The following RAB3C variants were observed in gnomAD, a reference collection of about 807,000 sequenced individuals.
RAB3C encodes RAB3C, member RAS oncogene family.
RAB3C carries 17 observed loss-of-function variants against 26.4 expected under a neutral mutation model. The observed-to-expected ratio is 0.64, with a 90% CI of 0.44 to 0.97. RAB3C has a LOEUF of 0.97. Ranked by LOEUF, RAB3C falls within the 50% of genes least tolerant of loss-of-function variation. RAB3C has a pLI of 0.00. For synonymous variants in RAB3C, 91 were observed against 95.9 expected, an observed-to-expected ratio of 0.95 and a Z score of 0.30; for missense variants, 242 against 281.9, an observed-to-expected ratio of 0.86 and a Z score of 1.01.
chr5:58,708,152 G>A (rs1019422995), intron 2 of RAB3C, among the ~76,000 whole-genome samples: 1 of 151,902 alleles, frequency 6.6e-6, no homozygotes, highest in Non-Finnish European at 1.5e-5. Context: ...CCCCACACCT[G>A]GCTAATTTGT....
At chr5:58,826,176 G>A (rs530727955) in intron 4 of RAB3C, among the ~76,000 whole-genome samples, 10 of 152,080 alleles carry the variant, frequency 6.6e-5, no homozygotes, top group African/African-American at 9.7e-5. Flanking sequence ...GAGGGCCCCC[G>A]GGGAGATCAG....
chr5:58,758,589 C>T (rs190760444), intron 3 of RAB3C, among the ~76,000 whole-genome samples: 1 of 152,220 alleles, frequency 6.6e-6, no homozygotes, highest in East Asian at 1.9e-4. Flanking sequence ...ACTGAGAGCA[C>T]AAACAGGGTC....
chr5:58,858,375 G>T lies in RAB3C; in HGVS notation c.*7024G>T, dbSNP rs1744310058. ...ATTAGAATGATAATTTAAGGGTGTG[G>T]TTGAATTTTAGTTAGTTGTCACATA... On this transcript the variant is annotated 3_prime_UTR_variant, in exon 5 of 5. Coordinates refer to ENST00000282878, the MANE Select transcript of RAB3C (RefSeq NM_138453.4). The T allele has an allele frequency of 6.6e-6, 1 of 152,130 alleles. No individual in the cohort carries two copies. The highest frequency in any genetic ancestry group is 1.5e-5 in the Non-Finnish European group (1 of 68,024). The allele number at this position is 152,130 out of a possible 1,614,324, so 9.4% of individuals were successfully genotyped here.
At chr5:58,729,677 A>G (rs910129580) in intron 3 of RAB3C, among the ~76,000 whole-genome samples, 1 of 148,206 alleles carries the variant, frequency 6.7e-6, no homozygotes, top group South Asian at 2.1e-4. Flanking sequence ...CATACACACA[A>G]TACGTGTTAC....
chr5:58,805,921 A>G (rs1228682366), intron 3 of RAB3C, among the ~76,000 whole-genome samples: 2 of 152,180 alleles, frequency 1.3e-5, no homozygotes, highest in African/African-American at 2.4e-5. Context: ...GGTTTCTAAC[A>G]TAATTATTTT....
chr5:58,857,540 T>C lies in RAB3C; in HGVS notation c.*6189T>C, dbSNP rs954402913. 3.9e-5 allele frequency: 6 copies of C among 152,176 alleles called. No individual in the cohort carries two copies. The highest frequency in any genetic ancestry group is 1.4e-4 in the African/African-American group (6 of 41,446). The allele number at this position is 152,176 out of a possible 1,614,324, so 9.4% of individuals were successfully genotyped here. Reference sequence around the variant, plus strand: ...AGTCATGTTTTTCTTCTCAGAAAGGTTGATCACATGACATGTCTACTAAGA... The same window carrying C: ...AGTCATGTTTTTCTTCTCAGAAAGGCTGATCACATGACATGTCTACTAAGA... On this transcript the variant is annotated 3_prime_UTR_variant, in exon 5 of 5. Transcript: ENST00000282878.
intron 2 of RAB3C, among the ~76,000 whole-genome samples, chr5:58,682,283 A>G (rs1748360540): frequency 6.6e-6 from 1 of 152,030 alleles, no homozygotes; most frequent in South Asian, 2.1e-4. Flanking sequence ...AGTAAGGTCG[A>G]CTCTTATTCA....
intron 3 of RAB3C, among the ~76,000 whole-genome samples, chr5:58,815,241 A>G (rs1408399144): frequency 6.6e-6 from 1 of 152,188 alleles, no homozygotes; most frequent in Non-Finnish European, 1.5e-5. Flanking sequence ...ACAAGCATTC[A>G]CAGGAGCCTT....
chr5:58,834,106 A>G (rs1743680908), intron 4 of RAB3C, among the ~76,000 whole-genome samples: 1 of 152,240 alleles, frequency 6.6e-6, no homozygotes, highest in Admixed American at 6.5e-5. Flanking sequence ...TCTTTTTAGC[A>G]AAAGACCATG....
intron 4 of RAB3C, among the ~76,000 whole-genome samples, chr5:58,828,006 C>T (rs1743528511): frequency 6.6e-6 from 1 of 152,204 alleles, no homozygotes; most frequent in African/African-American, 2.4e-5. Context: ...CTTTATCGAT[C>T]TGGTAGCAAT....
At chr5:58,611,339 T>C (rs1341739436) in intron 1 of RAB3C, among the ~76,000 whole-genome samples, 1 of 152,036 alleles carries the variant, frequency 6.6e-6, no homozygotes, top group Non-Finnish European at 1.5e-5. Flanking sequence ...TAATTTACAC[T>C]CCTACCGACA....
chr5:58,601,739 T>C (rs1746462065), intron 1 of RAB3C, among the ~76,000 whole-genome samples: 1 of 152,162 alleles, frequency 6.6e-6, no homozygotes, highest in Non-Finnish European at 1.5e-5. Flanking sequence ...CTCTCTTTTT[T>C]TCTTGGTTAA....
intron 1 of RAB3C, among the ~76,000 whole-genome samples, chr5:58,602,621 G>T (rs923430817): frequency 2.3e-4 from 35 of 151,954 alleles, no homozygotes; most frequent in African/African-American, 7.7e-4. Flanking sequence ...TTTAACCACT[G>T]TTGCTTTAAA....
At chr5:58,602,646 A>G (rs1298996743) in intron 1 of RAB3C, among the ~76,000 whole-genome samples, 1 of 148,348 alleles carries the variant, frequency 6.7e-6, no homozygotes, top group Non-Finnish European at 1.5e-5. Flanking sequence ...GTTTTGTCTG[A>G]TATACAAATA....
At chr5:58,584,658 A>G (rs1745973953) in intron 1 of RAB3C, among the ~76,000 whole-genome samples, 1 of 152,202 alleles carries the variant, frequency 6.6e-6, no homozygotes, top group African/African-American at 2.4e-5. Context: ...AGATCATTAT[A>G]CTTCACTATG....
At chr5:58,704,813 C>T (rs1243974248) in intron 2 of RAB3C, among the ~76,000 whole-genome samples, 2 of 151,634 alleles carry the variant, frequency 1.3e-5, no homozygotes, top group African/African-American at 4.8e-5. Flanking sequence ...CATTTAGTTC[C>T]AGTTTGAGTT....
chr5:58,811,320 T>C lies in RAB3C; in HGVS notation c.372-13718T>C, dbSNP rs141629747. ...TTGCTCTGGCTCATTTGAAAAGCAA[T>C]GTCATTTTAAAGGTTAGATTTTGCG... On this transcript the variant is annotated intron_variant, in intron 3 of 4. Coordinates refer to ENST00000282878, the MANE Select transcript of RAB3C (RefSeq NM_138453.4). 3.1e-3 allele frequency among the ~76,000 whole-genome samples: 475 copies of C among 152,180 alleles called. 1 individual carries two copies. The highest frequency in any genetic ancestry group is 0.011 in the African/African-American group (446 of 41,518).
At chr5:58,628,017 C>T (rs1458255665) in intron 2 of RAB3C, among the ~76,000 whole-genome samples, 1 of 151,680 alleles carries the variant, frequency 6.6e-6, no homozygotes, top group African/African-American at 2.4e-5. Flanking sequence ...GTTAGCTGGG[C>T]GTGGTGGCAG....
At chr5:58,754,646 A>C (rs1347416327) in intron 3 of RAB3C, among the ~76,000 whole-genome samples, 6 of 152,210 alleles carry the variant, frequency 3.9e-5, no homozygotes, top group Non-Finnish European at 8.8e-5. Context: ...TCATACAACT[A>C]TACCAGCCAC....
Sources: gnomAD v4.1 joint callset for allele counts (sites outside exome capture counted in the v4.1 genomes callset) on GRCh38, gnomAD v4.1.1 for gene constraint, MANE v1.5 for transcripts, NCBI Gene and HGNC (gene_info 2026-07-23, HGNC 2026-07-21) for gene names.